RAC1: variants seen among roughly 807,000 people sequenced by gnomAD.
RAC1 encodes the protein Rac family small GTPase 1.
Under a neutral mutation model 25.2 loss-of-function variants are expected in RAC1, and 2 were observed. The ratio of observed to expected loss-of-function variants is 0.08; its 90% CI spans 0.03 to 0.25. RAC1 has a LOEUF of 0.25. Ranked by LOEUF, RAC1 falls within the 10% of genes least tolerant of loss-of-function variation. RAC1 has a pLI of 1.00. For synonymous variants in RAC1, 88 were observed against 94.0 expected (o/e 0.94, Z 0.37); for missense variants, 50 against 235.7 (o/e 0.21, Z 5.16).
At chr7:6,401,392 T>C (rs1475789362) in intron 4 of RAC1, among the ~76,000 whole-genome samples, 1 of 152,180 alleles carries the variant, frequency 6.6e-6, no homozygotes, top group Non-Finnish European at 1.5e-5. Flanking sequence ...ACAAACTTCT[T>C]AGTGAAAATG....
chr7:6,374,716 C>G lies in RAC1; in HGVS notation c.-20C>G, dbSNP rs1782529352. The stretch of plus-strand genomic sequence containing the variant: ...TCTCAGCGCCCTGCCGCCGCCGCCG[C>G]GGCCCAGCGAGCGGCCCTGATGCAG... On this transcript the variant is annotated 5_prime_UTR_variant, in exon 1 of 6. Coordinates refer to ENST00000348035, the MANE Select transcript of RAC1 (RefSeq NM_006908.5). 4 of 1,104,068 alleles carry G rather than the reference C, an allele frequency of 3.6e-6. No individual in the cohort carries two copies. Among genetic ancestry groups the G allele is most frequent in the African/African-American group, 1.7e-5 (1 of 59,326 alleles). 68.4% of individuals were successfully genotyped at this position (1,104,068 alleles called of 1,614,324 possible). A position where few individuals can be genotyped will look rare whatever the true frequency, so the allele number is the denominator to read the frequency against.
chr7:6,385,670 T>C (rs1053187878), intron 1 of RAC1, among the ~76,000 whole-genome samples: 1 of 152,192 alleles, frequency 6.6e-6, no homozygotes, highest in African/African-American at 2.4e-5. Context: ...CCCTCAATAA[T>C]GTCATGAGTG....
At chr7:6,381,910 G>A (rs1782776486) in intron 1 of RAC1, among the ~76,000 whole-genome samples, 1 of 152,126 alleles carries the variant, frequency 6.6e-6, no homozygotes, top group African/African-American at 2.4e-5. Flanking sequence ...GGACCTTCAT[G>A]CGAGGTCTTT....
intron 4 of RAC1, among the ~76,000 whole-genome samples, chr7:6,401,113 A>C (rs1783388761): frequency 6.6e-6 from 1 of 151,130 alleles, no homozygotes; most frequent in Non-Finnish European, 1.5e-5. Context: ...CCGCCAACAC[A>C]CCTGGCTAAT....
rs1344781990 is a variant in RAC1 at position 6,392,038 on chromosome 7, A to G, written c.222A>G (p.Gln74=). The change falls in exon 3 of 6, where the codon CAA becomes CAG. Residue 74 remains glutamine (Q), a synonymous_variant. Coordinates refer to ENST00000348035, the MANE Select transcript of RAC1 (RefSeq NM_006908.5). ...YDRLRPLSYP[Q]TDVFLICFSL... is the part of the protein sequence containing the mutation. Reference sequence around the variant, plus strand: ...GATTACGCCCCCTATCCTATCCGCAAACAGTAAGGATTGCAGCTGACTTTT... The same window carrying G: ...GATTACGCCCCCTATCCTATCCGCAGACAGTAAGGATTGCAGCTGACTTTT... The G allele has an allele frequency of 6.2e-7, 1 of 1,614,200 alleles. No individual in the cohort carries two copies. Among genetic ancestry groups the G allele is most frequent in the Non-Finnish European group, 8.5e-7 (1 of 1,180,034 alleles).
intron 1 of RAC1, among the ~76,000 whole-genome samples, chr7:6,384,343 C>T (rs1331557570): frequency 1.3e-5 from 2 of 152,182 alleles, no homozygotes; most frequent in African/African-American, 4.8e-5. Flanking sequence ...CTCAGGCTTC[C>T]TGCCACACTG....
chr7:6,403,533 T>TA lies in RAC1; in HGVS notation c.*1089dup. The TA allele has an allele frequency of 4.6e-6, 1 of 219,712 alleles. No individual in the cohort carries two copies. The highest frequency in any genetic ancestry group is 6.8e-5 in the East Asian group (1 of 14,804). The allele number at this position is 219,712 out of a possible 1,614,324, so 13.6% of individuals were successfully genotyped here. On this transcript the variant is annotated 3_prime_UTR_variant, in exon 6 of 6. Transcript: ENST00000348035. ...CTTTCCATGTTACTTTATTCAGAGC[T>TA]AATAAGTGCTTTCCTTAGTTTTCTA... is the stretch of plus-strand genomic sequence containing the variant.
At chr7:6,390,379 A>G (rs1290564962) in intron 2 of RAC1, among the ~76,000 whole-genome samples, 5 of 151,930 alleles carry the variant, frequency 3.3e-5, no homozygotes, top group Non-Finnish European at 7.4e-5. Flanking sequence ...AGGTGGGCGC[A>G]TTATGAGGTC....
chr7:6,387,090 T>C (rs1782943788), intron 1 of RAC1, 122 bp from the exon 2 acceptor site: 1 of 614,756 alleles, frequency 1.6e-6, no homozygotes, highest in Non-Finnish European at 2.8e-6. Context: ...ACATTTTCTT[T>C]AATGCTAAGT....
intron 1 of RAC1, among the ~76,000 whole-genome samples, chr7:6,382,918 G>A (rs138628184): frequency 3.3e-4 from 51 of 152,240 alleles, no homozygotes; most frequent in African/African-American, 1.2e-3. Flanking sequence ...AGCAACATAA[G>A]TTATTTGCTT....
At chr7:6,401,691 T>G in intron 4 of RAC1, 177 bp from the exon 5 acceptor site, 21 of 561,630 alleles carry the variant, frequency 3.7e-5, no homozygotes, top group Middle Eastern at 2.8e-4. Context: ...ATGGAACACC[T>G]GAGATGTTCC....
chr7:6,385,715 C>G (rs1056833807), intron 1 of RAC1, among the ~76,000 whole-genome samples: 12 of 152,266 alleles, frequency 7.9e-5, no homozygotes, highest in African/African-American at 2.9e-4. Context: ...GGCCTGTAAT[C>G]TGCCTTGAGT....
rs34547258 is a variant in RAC1 at position 6,390,096 on chromosome 7, CTT to C, written c.108-1808_108-1807del. On this transcript the variant is annotated intron_variant, in intron 2 of 5. Coordinates refer to ENST00000348035, the MANE Select transcript of RAC1 (RefSeq NM_006908.5). ...CCTCCCTTGCTCCCTCCCTCCCTCC[CTT>C]TTTTTTTTTTTTTTTTTTTGAGATG... 8.1e-3 allele frequency among the ~76,000 whole-genome samples: 605 copies of C among 74,862 alleles called. 5 individuals are homozygous for C. The highest frequency in any genetic ancestry group is 0.037 in the African/African-American group (578 of 15,804). The allele number at this position is 74,862 out of a possible 152,430, so 49.1% of individuals were successfully genotyped here.
intron 1 of RAC1, among the ~76,000 whole-genome samples, chr7:6,379,566 C>T (rs550571276): frequency 5.3e-5 from 8 of 152,160 alleles, no homozygotes; most frequent in African/African-American, 1.4e-4. Flanking sequence ...TGAGCCACTA[C>T]GCCTGGCAAT....
chr7:6,402,734 A>C lies in RAC1; in HGVS notation c.*288A>C. 7.3e-6 allele frequency: 2 copies of C among 275,544 alleles called. No individual in the cohort carries two copies. The highest frequency in any genetic ancestry group is 1.4e-5 in the Non-Finnish European group (2 of 146,186). 17.1% of individuals were successfully genotyped at this position (275,544 alleles called of 1,614,324 possible). Reference sequence around the variant, plus strand: ...CTTATTTTTCAAAAGCGCCCCCCCCATTCTTGTTCAGATTAAGAGTTGCCA... The same window carrying C: ...CTTATTTTTCAAAAGCGCCCCCCCCCTTCTTGTTCAGATTAAGAGTTGCCA... On this transcript the variant is annotated 3_prime_UTR_variant, in exon 6 of 6. Transcript: ENST00000348035.
chr7:6,378,273 C>T (rs758550967), intron 1 of RAC1, among the ~76,000 whole-genome samples: 1 of 152,078 alleles, frequency 6.6e-6, no homozygotes, highest in Non-Finnish European at 1.5e-5. Flanking sequence ...CTGCCAGGTG[C>T]GGTGGCTCAT....
At chr7:6,385,852 C>T (rs1341516684) in intron 1 of RAC1, among the ~76,000 whole-genome samples, 1 of 152,206 alleles carries the variant, frequency 6.6e-6, no homozygotes, top group Non-Finnish European at 1.5e-5. Flanking sequence ...ACTGACAGCA[C>T]AGCAGAGAGA....
intron 4 of RAC1, 139 bp downstream of exon 4, chr7:6,400,327 G>GT (rs58955862): frequency 0.093 from 50,797 of 545,090 alleles, 60 homozygotes; most frequent in East Asian, 0.13. Context: ...ACATGATTGG[G>GT]TTTTTTTTTT....
Position 6,383,981 on chromosome 7 carries a change from A to C in RAC1, c.36-3231A>C, listed in dbSNP as rs192971805. The stretch of plus-strand genomic sequence containing the variant: ...CCGGCTAATTTTGTATTTTTAGTAG[A>C]GAGGGGTTTCTCCATGTTGGTCAGG... On this transcript the variant is annotated intron_variant, in intron 1 of 5. Coordinates refer to ENST00000348035, the MANE Select transcript of RAC1 (RefSeq NM_006908.5). 1.1e-3 allele frequency among the ~76,000 whole-genome samples: 166 copies of C among 151,318 alleles called. 2 individuals are homozygous for C. The highest frequency in any genetic ancestry group is 9.7e-4 in the Non-Finnish European group (66 of 67,810).
Sources: gnomAD v4.1 joint callset for allele counts (sites outside exome capture counted in the v4.1 genomes callset) on GRCh38, gnomAD v4.1.1 for gene constraint, MANE v1.5 for transcripts, NCBI Gene and HGNC (gene_info 2026-07-23, HGNC 2026-07-21) for gene names.